Variants in HIVEP3 observed in about 807,000 individuals in gnomAD.
HIVEP3 encodes the protein transcription factor HIVEP3.
A neutral mutation model predicts 152.8 loss-of-function variants in HIVEP3; 49 were observed. The observed-to-expected ratio is 0.32, with a 90% CI of 0.26 to 0.41. HIVEP3 has a LOEUF of 0.41. Ranked by LOEUF, HIVEP3 falls within the 10% of genes least tolerant of loss-of-function variation. The pLI is 1.00. For synonymous variants in HIVEP3, 1,269 were observed against 1,289.0 expected (o/e 0.98, Z 0.33); for missense variants, 2,790 against 3,103.3 (o/e 0.90, Z 2.40).
At chr1:41,953,583 G>A (rs1466416179) in intron 1 of HIVEP3, among the ~76,000 whole-genome samples, 2 of 152,152 alleles carry the variant, frequency 1.3e-5, no homozygotes, top group Non-Finnish European at 2.9e-5. Context: ...ACTTGAATTT[G>A]TAGCCCCACC....
intron 3 of HIVEP3, among the ~76,000 whole-genome samples, chr1:41,588,436 C>T (rs1644537433): frequency 6.6e-6 from 1 of 152,100 alleles, no homozygotes. Flanking sequence ...TTAGTCCTGC[C>T]TTCTCCCCTC....
intron 1 of HIVEP3, among the ~76,000 whole-genome samples, chr1:41,954,432 A>T (rs1345278267): frequency 1.3e-5 from 2 of 152,234 alleles, no homozygotes; most frequent in African/African-American, 2.4e-5. Flanking sequence ...GCAGAAAAAA[A>T]CACATTTCTC....
chr1:41,658,857 C>T lies in HIVEP3; in HGVS notation c.-720-29910G>A, dbSNP rs559492807. ...CTAATTCACAATCCTTCCAGATGGA[C>T]CACCTGAATTGTCTCCTAAAAACCT... On this transcript the variant is annotated intron_variant, in intron 2 of 8. Transcript: ENST00000372583. Among the ~76,000 whole-genome samples the T allele has an allele frequency of 4.8e-4, 73 of 152,298 alleles. 2 individuals are homozygous for T. The South Asian group carries it at 0.015, about 31-fold the overall frequency.
intron 1 of HIVEP3, among the ~76,000 whole-genome samples, chr1:42,003,803 C>T (rs1209394051): frequency 1.3e-5 from 2 of 149,136 alleles, no homozygotes; most frequent in African/African-American, 4.9e-5. Flanking sequence ...AAAAAAAAGG[C>T]ACTCTCGTCA....
chr1:42,015,079 C>T lies in HIVEP3; in HGVS notation n.119+20728G>A, dbSNP rs140690245. ...GCCAGGGAGAAAGTGAGACAGCTTC[C>T]GAGGATCATGCTTAAGGAAATCCCC... On this transcript the variant is annotated intron_variant and non_coding_transcript_variant, in intron 1 of 3. Coordinates refer to the HIVEP3 transcript ENST00000489103. 1.7e-3 allele frequency among the ~76,000 whole-genome samples: 261 copies of T among 152,242 alleles called. 1 individual carries two copies. Among genetic ancestry groups the T allele is most frequent in the African/African-American group, 5.6e-3 (234 of 41,534 alleles).
chr1:41,965,415 G>A (rs1373792983), intron 1 of HIVEP3, among the ~76,000 whole-genome samples: 2 of 152,214 alleles, frequency 1.3e-5, no homozygotes, highest in African/African-American at 4.8e-5. Flanking sequence ...CAGAAGGTAG[G>A]TAATAATAAA....
chr1:41,805,953 T>C (rs569176575), intron 1 of HIVEP3, among the ~76,000 whole-genome samples: 2 of 152,296 alleles, frequency 1.3e-5, no homozygotes, highest in South Asian at 2.1e-4. Flanking sequence ...GTCCTGAGCC[T>C]GATTCCCCCC....
At chr1:41,820,484 G>C (rs916004560) in intron 1 of HIVEP3, among the ~76,000 whole-genome samples, 1 of 152,156 alleles carries the variant, frequency 6.6e-6, no homozygotes, top group African/African-American at 2.4e-5. Context: ...ACTCTGAAAA[G>C]AGTCCTCATT....
chr1:41,737,432 A>G (rs989584987), intron 1 of HIVEP3, among the ~76,000 whole-genome samples: 1 of 152,056 alleles, frequency 6.6e-6, no homozygotes, highest in African/African-American at 2.4e-5. Context: ...TCTGCCATGA[A>G]GGGTCCCTGA....
chr1:41,850,124 G>A (rs2124381213), intron 1 of HIVEP3, among the ~76,000 whole-genome samples: 1 of 152,278 alleles, frequency 6.6e-6, no homozygotes, highest in East Asian at 1.9e-4. Flanking sequence ...AGTAGGTCTG[G>A]GGTGGAGGCT....
intron 1 of HIVEP3, among the ~76,000 whole-genome samples, chr1:41,719,470 A>G (rs1210350450): frequency 2.0e-5 from 3 of 152,208 alleles, no homozygotes; most frequent in Non-Finnish European, 4.4e-5. Context: ...AGTGAGCCCT[A>G]GTGAGTTTTC....
intron 1 of HIVEP3, among the ~76,000 whole-genome samples, chr1:41,986,785 T>C (rs1226239832): frequency 2.6e-5 from 4 of 152,212 alleles, no homozygotes; most frequent in African/African-American, 9.6e-5. Context: ...TTGCTGCCCA[T>C]TTCATAAACT....
chr1:41,510,138 G>A lies in HIVEP3; in HGVS notation c.*313C>T, dbSNP rs531237187. 1.2e-4 allele frequency: 29 copies of A among 247,926 alleles called. No individual in the cohort carries two copies. Among genetic ancestry groups the A allele is most frequent in the Admixed American group, 5.0e-4 (9 of 18,010 alleles). 15.4% of individuals were successfully genotyped at this position (247,926 alleles called of 1,614,324 possible). On this transcript the variant is annotated 3_prime_UTR_variant, in exon 9 of 9. Coordinates refer to ENST00000372583, the MANE Select transcript of HIVEP3 (RefSeq NM_024503.5). ...GGGGTGGGTGGCTGCCAACCACAGC[G>A]GGGAGGGTCAGGAGGCTTCACCATC...
intron 1 of HIVEP3, among the ~76,000 whole-genome samples, chr1:41,856,372 A>C (rs1032702427): frequency 9.2e-5 from 14 of 152,180 alleles, no homozygotes; most frequent in African/African-American, 3.4e-4. Flanking sequence ...TGGGCTGGGC[A>C]CGCTCAAGGT....
chr1:41,841,844 C>G (rs1643298706), intron 1 of HIVEP3, among the ~76,000 whole-genome samples: 1 of 152,162 alleles, frequency 6.6e-6, no homozygotes, highest in Non-Finnish European at 1.5e-5. Context: ...AATCCCAGCA[C>G]TTTGGGAAGC....
In HIVEP3 at chr1:41,581,219, G is replaced by GGTGCAGAAC. The variant is rs1644400967; in HGVS notation, c.3578_3579insGTTCTGCAC (p.Leu1193_Gln1194insPheCysThr). On this transcript the variant is annotated inframe_insertion, in exon 4 of 9. Coordinates refer to ENST00000372583, the MANE Select transcript of HIVEP3 (RefSeq NM_024503.5). The surrounding 1 kb of genome is among the most constrained non-coding windows in gnomAD (Gnocchi z 4.5). The stretch of plus-strand genomic sequence containing the variant: ...GGCCTGGGTGCAGAACAGTAGGCTG[G>GGTGCAGAAC]AGAGGAAGCGGTGGGGCTTGAAATA... The GGTGCAGAAC allele has an allele frequency of 6.4e-7, 1 of 1,572,784 alleles. No individual in the cohort carries two copies. The highest frequency in any genetic ancestry group is 8.6e-7 in the Non-Finnish European group (1 of 1,159,216).
At chr1:41,558,776 C>G (rs920988170) in intron 5 of HIVEP3, among the ~76,000 whole-genome samples, 10 of 152,358 alleles carry the variant, frequency 6.6e-5, no homozygotes, top group African/African-American at 1.7e-4. Context: ...TGTCCAGCCC[C>G]CTGGCTGGCC....
intron 2 of HIVEP3, among the ~76,000 whole-genome samples, chr1:41,666,739 C>T (rs1451958356): frequency 6.6e-6 from 1 of 152,156 alleles, no homozygotes; most frequent in African/African-American, 2.4e-5. Context: ...CCCAGCTTAC[C>T]CCTGCAATCC....
intron 1 of HIVEP3, among the ~76,000 whole-genome samples, chr1:41,958,553 G>C (rs549186028): frequency 4.6e-5 from 7 of 152,192 alleles, no homozygotes; most frequent in Non-Finnish European, 8.8e-5. Context: ...AGGGCCGGGG[G>C]TCACAAGCTG....
Sources: allele counts gnomAD v4.1 joint callset (sites outside exome capture counted in the v4.1 genomes callset), GRCh38; gene constraint gnomAD v4.1.1; non-coding constraint Gnocchi (gnomAD v3.1); transcripts MANE v1.5; gene names NCBI Gene and HGNC (gene_info 2026-07-23, HGNC 2026-07-21).